Variants in KIAA0825 observed in about 807,000 individuals in gnomAD.
KIAA0825 encodes the protein KIAA0825.
A neutral mutation model predicts 147.6 loss-of-function variants in KIAA0825; 119 were observed. That is an observed-to-expected ratio of 0.81 (90% confidence interval 0.69 to 0.94). KIAA0825 has a LOEUF of 0.94. KIAA0825 is among the 40% of genes least tolerant of loss of function. KIAA0825 has a pLI of 0.00. For synonymous variants in KIAA0825, 470 were observed against 518.1 expected (o/e 0.91, Z 1.26); for missense variants, 1,381 against 1,472.7 (o/e 0.94, Z 1.02).
At chr5:94,305,981 A>T (rs1041862257) in intron 20 of KIAA0825, among the ~76,000 whole-genome samples, 1 of 151,870 alleles carries the variant, frequency 6.6e-6, no homozygotes, top group Non-Finnish European at 1.5e-5. Context: ...CTACCTATTG[A>T]AAGAATATGT....
At chr5:94,320,216 T>C (rs1780028843) in intron 20 of KIAA0825, among the ~76,000 whole-genome samples, 1 of 152,054 alleles carries the variant, frequency 6.6e-6, no homozygotes, top group Non-Finnish European at 1.5e-5. Context: ...ACATAATATT[T>C]GTACATATTT....
At chr5:94,555,066 C>T (rs1269085557) in intron 2 of KIAA0825, among the ~76,000 whole-genome samples, 1 of 151,842 alleles carries the variant, frequency 6.6e-6, no homozygotes, top group East Asian at 1.9e-4. Flanking sequence ...ATTGTGAAAT[C>T]TACATAATTG....
At chr5:94,265,135 C>T (rs1432750379) in intron 20 of KIAA0825, among the ~76,000 whole-genome samples, 1 of 152,106 alleles carries the variant, frequency 6.6e-6, no homozygotes, top group Non-Finnish European at 1.5e-5. Flanking sequence ...TGCCAATATT[C>T]AAGCTTGCCT....
At chr5:94,307,361 T>A (rs1237323985) in intron 20 of KIAA0825, among the ~76,000 whole-genome samples, 4 of 151,768 alleles carry the variant, frequency 2.6e-5, no homozygotes, top group African/African-American at 9.7e-5. Flanking sequence ...TATGCCCCTG[T>A]CACCCTCTGA....
chr5:94,372,021 CA>C (rs1279712361), intron 20 of KIAA0825, among the ~76,000 whole-genome samples: 1 of 152,190 alleles, frequency 6.6e-6, no homozygotes, highest in Non-Finnish European at 1.5e-5. Flanking sequence ...CACACAAGTC[CA>C]AACTCCAATA....
At chr5:94,348,476 A>T (rs911813339) in intron 20 of KIAA0825, among the ~76,000 whole-genome samples, 1 of 152,252 alleles carries the variant, frequency 6.6e-6, no homozygotes, top group Non-Finnish European at 1.5e-5. Flanking sequence ...GCTAGAAGGG[A>T]CTGGGGCCCT....
In KIAA0825 at chr5:94,391,616, G is replaced by A; in HGVS notation, c.3375C>T (p.Asn1125=). Residue 1125 remains asparagine, a synonymous_variant, in exon 18 of 21, where the codon AAC becomes AAT. Coordinates refer to ENST00000682413, the MANE Select transcript of KIAA0825 (RefSeq NM_001145678.3). The stretch of plus-strand genomic sequence containing the variant: ...TGTGGCAGAGATCCAGGACCATCGT[G>A]TTTATTTTCTGCTCAGTCAGTTCAA... ...VALELTEQKI[N]TMVLDLCHKP... 6.4e-7 allele frequency: 1 copy of A among 1,551,534 alleles called. No individual in the cohort carries two copies. Among genetic ancestry groups the A allele is most frequent in the Non-Finnish European group, 8.7e-7 (1 of 1,146,912 alleles).
At chr5:94,380,609 A>C (rs987530312) in intron 20 of KIAA0825, among the ~76,000 whole-genome samples, 2 of 152,256 alleles carry the variant, frequency 1.3e-5, no homozygotes, top group Non-Finnish European at 2.9e-5. Context: ...ACAGTAGAGT[A>C]GAATGCTAGG....
chr5:94,285,222 T>C (rs1777617272), intron 20 of KIAA0825, among the ~76,000 whole-genome samples: 1 of 152,094 alleles, frequency 6.6e-6, no homozygotes, highest in African/African-American at 2.4e-5. Flanking sequence ...TAAAGGCAAG[T>C]AAGTTTATCT....
At chr5:94,155,943 A>G (rs1354276371) in intron 20 of KIAA0825, among the ~76,000 whole-genome samples, 1 of 152,208 alleles carries the variant, frequency 6.6e-6, no homozygotes, top group Non-Finnish European at 1.5e-5. Flanking sequence ...AATTTTAATG[A>G]TAAAAAGCTC....
chr5:94,403,601 G>A lies in KIAA0825; in HGVS notation c.2855C>T (p.Pro952Leu), dbSNP rs1221852318. ...TGATTCTTTCCTGTTAGTTTCTTTT[G>A]GACTATAATTCCATTCCTTTGGCAT... is the stretch of plus-strand genomic sequence containing the variant. ...ESMPKEWNYS[P>L]KETNRKESCK... Residue 952 changes from proline to leucine, a missense_variant, in exon 16 of 21, where the codon CCA becomes CTA. By Grantham distance (98) the Pro-to-Leu change is moderately conservative (BLOSUM62 -3). Coordinates refer to ENST00000682413, the MANE Select transcript of KIAA0825 (RefSeq NM_001145678.3). 2.6e-6 allele frequency: 4 copies of A among 1,551,288 alleles called. No homozygotes were observed. Among genetic ancestry groups the A allele is most frequent in the Non-Finnish European group, 3.5e-6 (4 of 1,146,806 alleles).
chr5:94,205,096 C>T (rs1217754492), intron 20 of KIAA0825, among the ~76,000 whole-genome samples: 1 of 151,770 alleles, frequency 6.6e-6, no homozygotes, highest in Non-Finnish European at 1.5e-5. Context: ...GTACTTAAAA[C>T]AGCATCTTCT....
chr5:94,378,505 T>C (rs922136251), intron 20 of KIAA0825, among the ~76,000 whole-genome samples: 8 of 150,446 alleles, frequency 5.3e-5, no homozygotes, highest in African/African-American at 1.7e-4. Context: ...CAGTCTACCA[T>C]TGATGAGCAT....
intron 20 of KIAA0825, among the ~76,000 whole-genome samples, chr5:94,363,476 G>A (rs568249815): frequency 1.3e-5 from 2 of 152,254 alleles, no homozygotes; most frequent in African/African-American, 4.8e-5. Flanking sequence ...TACCTTGAGT[G>A]GGTGGGATTA....
intron 20 of KIAA0825, among the ~76,000 whole-genome samples, chr5:94,369,070 A>T (rs2150442973): frequency 6.6e-6 from 1 of 152,248 alleles, no homozygotes; most frequent in East Asian, 1.9e-4. Flanking sequence ...AGGAGGGAGG[A>T]TCACTTGGTC....
chr5:94,594,881 TAA>T (rs1348510293), intron 1 of KIAA0825: 2,149 of 185,006 alleles, frequency 0.012, no homozygotes, highest in South Asian at 0.024. Context: ...AAATAGTAGA[TAA>T]AAAAAAAAAA....
At chr5:94,237,485 G>A (rs577159550) in intron 20 of KIAA0825, among the ~76,000 whole-genome samples, 8 of 152,150 alleles carry the variant, frequency 5.3e-5, no homozygotes, top group African/African-American at 1.9e-4. Context: ...AGGTAAAAGC[G>A]AAAGATGAAG....
chr5:94,267,779 C>CT (rs750785504), intron 20 of KIAA0825, among the ~76,000 whole-genome samples: 3 of 152,114 alleles, frequency 2.0e-5, no homozygotes, highest in Non-Finnish European at 4.4e-5. Context: ...TTTACGTTCT[C>CT]TTTTTTTCCC....
At chr5:94,530,861 C>G (rs1770655907) in intron 3 of KIAA0825, among the ~76,000 whole-genome samples, 1 of 152,198 alleles carries the variant, frequency 6.6e-6, no homozygotes, top group Non-Finnish European at 1.5e-5. Context: ...GGCCCATTAA[C>G]TAAGATCCTC....
Sources: allele counts gnomAD v4.1 joint callset (sites outside exome capture counted in the v4.1 genomes callset), GRCh38; gene constraint gnomAD v4.1.1; transcripts MANE v1.5; gene names NCBI Gene and HGNC (gene_info 2026-07-23, HGNC 2026-07-21).